Variants in FAM184B observed in about 807,000 individuals in gnomAD.
The protein encoded by FAM184B is family with sequence similarity 184 member B.
FAM184B carries 111 observed loss-of-function variants against 135.9 expected under a neutral mutation model. The observed-to-expected ratio is 0.82, with a 90% CI of 0.70 to 0.96. The LOEUF (loss-of-function observed/expected upper bound fraction) is 0.96. Among genes scored for constraint, FAM184B ranks in the 40% least tolerant of loss-of-function variants. The pLI, the probability that FAM184B is intolerant of heterozygous loss-of-function variation, is 0.00. For missense variants in FAM184B, 1,375 were observed against 1,323.9 expected (o/e 1.04, Z -0.60); for synonymous variants, 552 against 524.8 (o/e 1.05, Z -0.71).
At chr4:17,754,553 G>GAAA (rs11329711) in intron 1 of FAM184B, among the ~76,000 whole-genome samples, 2 of 47,104 alleles carry the variant, frequency 4.2e-5, no homozygotes, top group Non-Finnish European at 1.2e-4. Context: ...CTCTGTCTCA[G>GAAA]AAAAAAAAAA....
At chr4:17,769,005 G>T (rs1475808284) in intron 1 of FAM184B, among the ~76,000 whole-genome samples, 1 of 151,746 alleles carries the variant, frequency 6.6e-6, no homozygotes, top group African/African-American at 2.4e-5. Flanking sequence ...GTTTCTCCAT[G>T]TTGGTCAGGC....
Position 17,705,802 on chromosome 4 carries a change from G to T in FAM184B, c.1120C>A (p.Gln374Lys). The T allele has an allele frequency of 6.4e-7, 1 of 1,551,934 alleles. No homozygotes were observed. Among genetic ancestry groups the T allele is most frequent in the South Asian group, 1.2e-5 (1 of 84,064 alleles). ...EAGNLHPQQD[Q>K]SCLKECPCMK... ...CAAGGGCACTCCTTGAGACAGCTTT[G>T]ATCCTGCTGAGGATGAAGATTGCCG... Residue 374 changes from glutamine to lysine, a missense_variant, in exon 4 of 18, where the codon CAA becomes AAA. Gln to Lys is a moderately conservative substitution (Grantham distance 53). Coordinates refer to ENST00000265018, the MANE Select transcript of FAM184B (RefSeq NM_015688.2).
chr4:17,777,583 T>G (rs947826614), intron 1 of FAM184B, among the ~76,000 whole-genome samples: 4 of 152,036 alleles, frequency 2.6e-5, no homozygotes, highest in African/African-American at 9.7e-5. Context: ...TCAAAAAACT[T>G]AATAGATGGG....
At chr4:17,748,035 C>G (rs1718211292) in intron 1 of FAM184B, among the ~76,000 whole-genome samples, 1 of 134,552 alleles carries the variant, frequency 7.4e-6, no homozygotes, top group African/African-American at 2.8e-5. Flanking sequence ...ACCCGGGAGG[C>G]AGAGGTTGCA....
chr4:17,762,668 T>C (rs987621692), intron 1 of FAM184B, among the ~76,000 whole-genome samples: 2 of 152,302 alleles, frequency 1.3e-5, no homozygotes, highest in Non-Finnish European at 2.9e-5. Context: ...TGGAGTTGGA[T>C]AGAGCGACAG....
chr4:17,700,694 C>A (rs1342444905), intron 5 of FAM184B, among the ~76,000 whole-genome samples: 2 of 152,156 alleles, frequency 1.3e-5, no homozygotes, highest in Non-Finnish European at 2.9e-5. Context: ...GATTCAGATT[C>A]TTTTCAAGTA....
chr4:17,728,674 G>A (rs1349508639), intron 1 of FAM184B, among the ~76,000 whole-genome samples: 3 of 152,122 alleles, frequency 2.0e-5, no homozygotes, highest in African/African-American at 7.2e-5. Context: ...GGCAAATGCT[G>A]GTGTCAGACT....
At chr4:17,765,476 G>C (rs1054344001) in intron 1 of FAM184B, among the ~76,000 whole-genome samples, 19 of 152,158 alleles carry the variant, frequency 1.2e-4, no homozygotes, top group African/African-American at 4.6e-4. Context: ...CTCACAATGA[G>C]GGATTATCTC....
At chr4:17,668,152 G>A (rs1716095184) in intron 7 of FAM184B, among the ~76,000 whole-genome samples, 1 of 152,220 alleles carries the variant, frequency 6.6e-6, no homozygotes, top group South Asian at 2.1e-4. Flanking sequence ...CCAGCCTTGT[G>A]GGCTGCAGTT....
chr4:17,632,742 A>C, intron 17 of FAM184B, 117 bp from the exon 18 acceptor site: 4 of 673,052 alleles, frequency 5.9e-6, no homozygotes, highest in East Asian at 3.0e-5. Context: ...AAACACCCAA[A>C]TGGGACTGGC....
intron 7 of FAM184B, among the ~76,000 whole-genome samples, chr4:17,684,031 G>A (rs1716509269): frequency 6.6e-6 from 1 of 150,748 alleles, no homozygotes; most frequent in African/African-American, 2.4e-5. Flanking sequence ...AGCCAGGACT[G>A]CACTCCACCC....
Position 17,781,055 on chromosome 4 carries a change from T to C in FAM184B, c.141+104A>G. On this transcript the variant is annotated intron_variant, in intron 1 of 17. Transcript: ENST00000265018. The surrounding 1 kb of genome is among the most constrained non-coding windows in gnomAD (Gnocchi z 6.5). ...CCCGGTTGGCCTCCGAGACAAAGTT[T>C]CTGTCTGGATTTGGCCCGGGCCTCC... 1 of 1,374,570 alleles carries C rather than the reference T, an allele frequency of 7.3e-7. No individual in the cohort carries two copies. Among genetic ancestry groups the C allele is most frequent in the Non-Finnish European group, 9.6e-7 (1 of 1,047,106 alleles). The allele number at this position is 1,374,570 out of a possible 1,614,324, so 85.1% of individuals were successfully genotyped here. A position where few individuals can be genotyped will look rare whatever the true frequency, so the allele number is the denominator to read the frequency against.
chr4:17,724,184 G>C (rs923149161), intron 1 of FAM184B, among the ~76,000 whole-genome samples: 1 of 151,824 alleles, frequency 6.6e-6, no homozygotes, highest in Non-Finnish European at 1.5e-5. Flanking sequence ...CAAAGGAAAG[G>C]GTCAAGAATA....
intron 1 of FAM184B, among the ~76,000 whole-genome samples, chr4:17,778,412 C>T (rs1019599693): frequency 6.6e-6 from 1 of 152,040 alleles, no homozygotes; most frequent in African/African-American, 2.4e-5. Context: ...ACCAAGGCAC[C>T]TACAGAAAGA....
intron 1 of FAM184B, among the ~76,000 whole-genome samples, chr4:17,759,176 T>G (rs1410104217): frequency 6.6e-6 from 1 of 152,188 alleles, no homozygotes; most frequent in Non-Finnish European, 1.5e-5. Flanking sequence ...CCCAGTCTCC[T>G]TGATATGGTT....
chr4:17,664,193 A>G (rs1715991220), intron 8 of FAM184B, among the ~76,000 whole-genome samples: 1 of 152,170 alleles, frequency 6.6e-6, no homozygotes, highest in Non-Finnish European at 1.5e-5. Flanking sequence ...CATAGGTGGT[A>G]TAGGTGGGGA....
intron 1 of FAM184B, among the ~76,000 whole-genome samples, chr4:17,779,367 TA>T (rs1226874422): frequency 6.6e-6 from 1 of 152,188 alleles, no homozygotes; most frequent in Non-Finnish European, 1.5e-5. Flanking sequence ...GCAATTAGCA[TA>T]AAAATGGTAA....
intron 1 of FAM184B, among the ~76,000 whole-genome samples, chr4:17,768,264 T>C (rs1309664774): frequency 6.6e-6 from 1 of 152,206 alleles, no homozygotes; most frequent in Non-Finnish European, 1.5e-5. Context: ...CTGTGGGCCA[T>C]AGTTTTCTGA....
chr4:17,722,856 T>A (rs547275202), intron 1 of FAM184B, among the ~76,000 whole-genome samples: 18 of 152,340 alleles, frequency 1.2e-4, no homozygotes, highest in Admixed American at 9.8e-4. Flanking sequence ...TGATTTTTTT[T>A]ATGAATAAAA....
Sources: gnomAD v4.1 joint callset for allele counts (sites outside exome capture counted in the v4.1 genomes callset) on GRCh38, gnomAD v4.1.1 for gene constraint, Gnocchi (gnomAD v3.1) non-coding constraint, MANE v1.5 for transcripts, NCBI Gene and HGNC (gene_info 2026-07-23, HGNC 2026-07-21) for gene names.